NBEA: variants seen among roughly 807,000 people sequenced by gnomAD.
The protein encoded by NBEA is lysosomal-trafficking regulator 2.
In NBEA, 44 loss-of-function variants were observed where a neutral mutation model predicts 343.4. The ratio of observed to expected loss-of-function variants is 0.13; its 90% CI spans 0.10 to 0.16. The LOEUF is 0.16. NBEA is among the 10% of genes least tolerant of loss of function. NBEA has a pLI of 1.00. For missense variants in NBEA, 2,555 were observed against 3,631.3 expected, an observed-to-expected ratio of 0.70 and a Z score of 7.62; for synonymous variants, 1,175 against 1,238.7, an observed-to-expected ratio of 0.95 and a Z score of 1.08.
At chr13:35,143,131 A>G (rs1047068403) in intron 18 of NBEA, among the ~76,000 whole-genome samples, 2 of 152,190 alleles carry the variant, frequency 1.3e-5, no homozygotes, top group Admixed American at 6.5e-5. Flanking sequence ...ATGGTTGAAA[A>G]TAATCAAAAA....
chr13:35,476,333 C>T (rs1335833851), intron 41 of NBEA: 1 of 1,229,386 alleles, frequency 8.1e-7, no homozygotes, highest in Non-Finnish European at 1.2e-6. Flanking sequence ...GCTGCTGCTG[C>T]TGCTGCTGCT....
intron 39 of NBEA, among the ~76,000 whole-genome samples, chr13:35,433,907 A>C (rs1400058995): frequency 6.6e-6 from 1 of 152,084 alleles, no homozygotes; most frequent in African/African-American, 2.4e-5. Flanking sequence ...CCAATAATTT[A>C]GACTTTTTCA....
At chr13:35,438,326 A>T (rs186979603) in intron 39 of NBEA, among the ~76,000 whole-genome samples, 1 of 152,226 alleles carries the variant, frequency 6.6e-6, no homozygotes, top group Non-Finnish European at 1.5e-5. Flanking sequence ...GAATTAAATT[A>T]GTTTTGATGG....
At chr13:35,040,482 C>CT (rs1304732782) in intron 1 of NBEA, among the ~76,000 whole-genome samples, 2 of 151,530 alleles carry the variant, frequency 1.3e-5, no homozygotes, top group Non-Finnish European at 2.9e-5. Flanking sequence ...TTTCATATTT[C>CT]TTTATCTTCT....
chr13:35,375,627 G>A (rs894516773), intron 38 of NBEA, among the ~76,000 whole-genome samples: 3 of 152,196 alleles, frequency 2.0e-5, no homozygotes, highest in Non-Finnish European at 2.9e-5. Context: ...AAAGGGACAT[G>A]CATGATTATG....
intron 13 of NBEA, among the ~76,000 whole-genome samples, chr13:35,115,256 T>G (rs577990312): frequency 6.6e-6 from 1 of 152,228 alleles, no homozygotes; most frequent in Admixed American, 6.5e-5. Flanking sequence ...TATAGGTGTT[T>G]CAAAGCTTTA....
intron 49 of NBEA, among the ~76,000 whole-genome samples, chr13:35,634,208 T>TG (rs2083596714): frequency 6.6e-6 from 1 of 151,998 alleles, no homozygotes; most frequent in African/African-American, 2.4e-5. Flanking sequence ...CTGGGCGTGG[T>TG]GGCGGGCACC....
intron 21 of NBEA, among the ~76,000 whole-genome samples, chr13:35,157,553 T>C (rs1222115771): frequency 1.3e-5 from 2 of 152,180 alleles, no homozygotes; most frequent in African/African-American, 4.8e-5. Flanking sequence ...AGCCACTTGC[T>C]CTTTCAACTG....
intron 36 of NBEA, among the ~76,000 whole-genome samples, chr13:35,326,663 C>G (rs1484647960): frequency 6.6e-6 from 1 of 151,936 alleles, no homozygotes; most frequent in African/African-American, 2.4e-5. Flanking sequence ...GCTACAACTT[C>G]CAGTACTATG....
In NBEA at chr13:34,942,787, C is replaced by G; in HGVS notation, c.-34C>G. 1 of 1,316,616 alleles carries G rather than the reference C, an allele frequency of 7.6e-7. No homozygotes were observed. The highest frequency in any genetic ancestry group is 9.7e-7 in the Non-Finnish European group (1 of 1,034,308). The allele number at this position is 1,316,616 out of a possible 1,614,324, so 81.6% of individuals were successfully genotyped here. ...ATAACGGTACCGGCGGCGGCAGCGCCGCTGCTCTTCCCTTCTCCTCAGGAG... is the reference window on the plus strand; with the variant it reads ...ATAACGGTACCGGCGGCGGCAGCGCGGCTGCTCTTCCCTTCTCCTCAGGAG... On this transcript the variant is annotated 5_prime_UTR_variant, in exon 1 of 59. Coordinates refer to ENST00000379939, the MANE Select transcript of NBEA (RefSeq NM_001385012.1).
At chr13:35,229,614 G>A (rs939054392) in intron 33 of NBEA, among the ~76,000 whole-genome samples, 12 of 152,084 alleles carry the variant, frequency 7.9e-5, no homozygotes, top group Admixed American at 2.0e-4. Flanking sequence ...TGTCTCATGT[G>A]TCTTGGAATT....
chr13:35,447,009 A>G (rs1331311185), intron 39 of NBEA, among the ~76,000 whole-genome samples: 2 of 152,056 alleles, frequency 1.3e-5, no homozygotes, highest in Admixed American at 1.3e-4. Context: ...GTTGTGAATT[A>G]CTTTTTTCTT....
At chr13:35,663,627 T>C (rs2153086162) in intron 55 of NBEA, among the ~76,000 whole-genome samples, 1 of 152,322 alleles carries the variant, frequency 6.6e-6, no homozygotes, top group East Asian at 1.9e-4. Context: ...GGAAAACTCT[T>C]ATCAATGCTT....
chr13:35,548,302 A>T (rs1415237058), intron 41 of NBEA, among the ~76,000 whole-genome samples: 1 of 152,188 alleles, frequency 6.6e-6, no homozygotes, highest in African/African-American at 2.4e-5. Flanking sequence ...TCAAACTAAC[A>T]TACTTTTTGG....
intron 58 of NBEA, among the ~76,000 whole-genome samples, chr13:35,669,471 A>T (rs1257038504): frequency 6.6e-6 from 1 of 152,230 alleles, no homozygotes. Flanking sequence ...TGAAGTCATC[A>T]GGAAAAACGC....
At chr13:35,277,348 G>A (rs1048000947) in intron 34 of NBEA, among the ~76,000 whole-genome samples, 9 of 151,998 alleles carry the variant, frequency 5.9e-5, no homozygotes, top group Non-Finnish European at 1.2e-4. Context: ...TAGGCCGGGC[G>A]CGGTGGCTCA....
intron 55 of NBEA, among the ~76,000 whole-genome samples, chr13:35,659,194 G>A (rs1281662928): frequency 1.3e-5 from 2 of 152,124 alleles, no homozygotes; most frequent in Admixed American, 6.5e-5. Flanking sequence ...CCTTGACGTG[G>A]GAAGTCCTGG....
Position 35,301,041 on chromosome 13 carries a change from TC to T in NBEA, c.5839-8486del, listed in dbSNP as rs561666160. 1.3e-3 allele frequency among the ~76,000 whole-genome samples: 193 copies of T among 152,322 alleles called. 1 individual carries two copies. Among genetic ancestry groups the T allele is most frequent in the Admixed American group, 2.2e-3 (33 of 15,296 alleles). ...AAAACCACATGCAATCCTAACATTTTCTGAGGAGGAAAATATACTTTATCTT... is the reference window on the plus strand; with the variant it reads ...AAAACCACATGCAATCCTAACATTTTTGAGGAGGAAAATATACTTTATCTT... On this transcript the variant is annotated intron_variant, in intron 35 of 58. Coordinates refer to ENST00000379939, the MANE Select transcript of NBEA (RefSeq NM_001385012.1).
intron 33 of NBEA, among the ~76,000 whole-genome samples, chr13:35,212,728 A>G (rs9600332): frequency 0.15 from 22,689 of 152,044 alleles, 1,781 homozygotes; most frequent in South Asian, 0.2. Context: ...CCATTTTGGC[A>G]GAAGTATAGT....
Sources: allele counts gnomAD v4.1 joint callset (sites outside exome capture counted in the v4.1 genomes callset), GRCh38; gene constraint gnomAD v4.1.1; transcripts MANE v1.5; gene names NCBI Gene and HGNC (gene_info 2026-07-23, HGNC 2026-07-21).